ACTN3: variants seen among roughly 807,000 people sequenced by gnomAD.
The protein encoded by ACTN3 is actinin alpha 3.
Under a neutral mutation model 119.6 loss-of-function variants are expected in ACTN3, and 91 were observed. That is an observed-to-expected ratio of 0.76 (90% CI 0.64 to 0.91). The LOEUF (loss-of-function observed/expected upper bound fraction) is 0.91, where lower values mean the gene tolerates loss of function less well. Among genes scored for constraint, ACTN3 ranks in the 40% least tolerant of loss-of-function variants. The pLI, the probability that ACTN3 is intolerant of heterozygous loss-of-function variation, is 0.00. For synonymous variants in ACTN3, 456 were observed against 478.8 expected (o/e 0.95, Z 0.62); for missense variants, 1,221 against 1,215.1 (o/e 1.00, Z -0.07).
Position 66,557,160 on chromosome 11 carries a change from A to G in ACTN3, c.832A>G (p.Lys278Glu). 3 of 1,553,428 alleles carry G rather than the reference A, an allele frequency of 1.9e-6. No individual in the cohort carries two copies. The highest frequency in any genetic ancestry group is 2.6e-6 in the Non-Finnish European group (3 of 1,148,006). ...AGAGACAGCTGCCAACAGGATCTGC[A>G]AGGTGCTGGCAGTGAACCAGGAAAA... The part of the protein sequence containing the change: ...QAETAANRIC[K>E]VLAVNQENEK... Residue 278 changes from lysine to glutamate, a missense_variant, in exon 9 of 21, where the codon AAG becomes GAG. By Grantham distance (56) the Lys-to-Glu change is moderately conservative (BLOSUM62 1). Around this residue, in one of 3 missense-constraint regions of ACTN3, gnomAD observed 934 missense variants for 899.9 expected, o/e 1.04. Coordinates refer to ENST00000513398, the MANE Select transcript of ACTN3 (RefSeq NM_001104.4).
At position 66,560,409 on chromosome 11, in the gene ACTN3, AG is replaced by A. The variant is rs935596952; in HGVS notation, c.1677+100del. 4 of 1,503,350 alleles carry A rather than the reference AG, an allele frequency of 2.7e-6. No homozygotes were observed. The African/African-American group carries it at 4.2e-5, about 16-fold the overall frequency. The allele number at this position is 1,503,350 out of a possible 1,614,324, so 93.1% of individuals were successfully genotyped here. ...TAGGCTCCTGGGGCATAGGGATGGGAGGAAAACCCCAGTTCCCGAGTGCTGG... is the reference window on the plus strand; with the variant it reads ...TAGGCTCCTGGGGCATAGGGATGGGAGAAAACCCCAGTTCCCGAGTGCTGG... On this transcript the variant is annotated intron_variant, in intron 14 of 20. Transcript: ENST00000513398.
At position 66,560,277 on chromosome 11, in the gene ACTN3, A is replaced by G; in HGVS notation, c.1643A>G (p.Asp548Gly). 6.2e-7 allele frequency: 1 copy of G among 1,613,404 alleles called. No homozygotes were observed. Among genetic ancestry groups the G allele is most frequent in the Non-Finnish European group, 8.5e-7 (1 of 1,179,710 alleles). Residue 548 changes from aspartate to glycine, a missense_variant, in exon 14 of 21, where the codon GAC becomes GGC. This residue lies in a region of ACTN3 where 934 missense variants were observed against 899.9 expected (regional missense o/e 1.04). Coordinates refer to ENST00000513398, the MANE Select transcript of ACTN3 (RefSeq NM_001104.4). The stretch of plus-strand genomic sequence containing the variant: ...GATGGTGCCGTGGAGGACCTGCAGG[A>G]CGTGTGGCTGGTACACTCTGTGGAG... ...WLDGAVEDLQ[D>G]VWLVHSVEET...
At chr11:66,558,662 A>C (rs894574140) in intron 11 of ACTN3, among the ~76,000 whole-genome samples, 1 of 151,540 alleles carries the variant, frequency 6.6e-6, no homozygotes, top group Middle Eastern at 3.4e-3. Flanking sequence ...GCCACCGCAC[A>C]CCCGCCTGTT....
intron 19 of ACTN3, 89 bp from the exon 20 acceptor site, chr11:66,562,707 C>T: frequency 7.0e-7 from 1 of 1,420,244 alleles, no homozygotes; most frequent in Non-Finnish European, 9.5e-7. Context: ...GCTCTGCTAG[C>T]TGAGGTTGGA....
chr11:66,557,237 C>G lies in ACTN3; in HGVS notation c.897+12C>G. On this transcript the variant is annotated intron_variant, in intron 9 of 20. Transcript: ENST00000513398. ...AGCTTGCCAGTGAGGTGAGGCTGGG[C>G]TCCCACCGTGCTCTCCCCACCCCAG... 3.2e-6 allele frequency: 5 copies of G among 1,550,856 alleles called. No homozygotes were observed. The highest frequency in any genetic ancestry group is 3.5e-6 in the Non-Finnish European group (4 of 1,146,886).
Position 66,551,631 on chromosome 11 carries a change from G to A in ACTN3, c.366G>A (p.Val122=). Residue 122 remains valine, a synonymous_variant, in exon 3 of 21, where the codon GTG becomes GTA. Coordinates refer to ENST00000513398, the MANE Select transcript of ACTN3 (RefSeq NM_001104.4). ...TTGCCAGCAAGGGGGTTAAACTGGTGTCCATTGGTGCTGAAGGTGAGGAGG... is the reference window on the plus strand; with the variant it reads ...TTGCCAGCAAGGGGGTTAAACTGGTATCCATTGGTGCTGAAGGTGAGGAGG... ...DFIASKGVKL[V]SIGAEEIVDG... is the part of the protein sequence containing the mutation. The A allele has an allele frequency of 6.2e-7, 1 of 1,613,738 alleles. No homozygotes were observed. The highest frequency in any genetic ancestry group is 8.5e-7 in the Non-Finnish European group (1 of 1,180,030).
Position 66,551,282 on chromosome 11 carries a change from C to T in ACTN3, c.191C>T (p.Thr64Ile). The T allele has an allele frequency of 6.2e-7, 1 of 1,612,658 alleles. No individual in the cohort carries two copies. Among genetic ancestry groups the T allele is most frequent in the Non-Finnish European group, 8.5e-7 (1 of 1,179,380 alleles). Residue 64 changes from threonine (T) to isoleucine (I), a missense_variant, in exon 2 of 21, where the codon ACC becomes ATC. Around this residue, in one of 3 missense-constraint regions of ACTN3, gnomAD observed 239 missense variants for 231.8 expected, o/e 1.03. Coordinates refer to ENST00000513398, the MANE Select transcript of ACTN3 (RefSeq NM_001104.4). Reference sequence around the variant, plus strand: ...AACTCACACCTGCGCAAGGCAGGCACCCAGATCGAGAACATCGAGGAAGAT... The same window carrying T: ...AACTCACACCTGCGCAAGGCAGGCATCCAGATCGAGAACATCGAGGAAGAT... ...WCNSHLRKAG[T>I]QIENIEEDFR...
chr11:66,555,684 C>G (rs1410136417), intron 7 of ACTN3, among the ~76,000 whole-genome samples: 1 of 152,240 alleles, frequency 6.6e-6, no homozygotes, highest in Non-Finnish European at 1.5e-5. Flanking sequence ...CCTGTGGTCC[C>G]CATGCCTAGG....
At position 66,561,228 on chromosome 11, in the gene ACTN3, T is replaced by C. The variant is rs1459438003; in HGVS notation, c.1862T>C (p.Val621Ala). 1 of 1,560,430 alleles carries C rather than the reference T, an allele frequency of 6.4e-7. No homozygotes were observed. The highest frequency in any genetic ancestry group is 1.2e-5 in the South Asian group (1 of 82,946). The change falls in exon 16 of 21, where the codon GTC becomes GCC. Residue 621 changes from valine (V) to alanine (A), a missense_variant and splice_region_variant. By Grantham distance (64) the Val-to-Ala change is moderately conservative. Transcript: ENST00000513398. ...PQDINTKWDM[V>A]RKLVPSCDQT... The stretch of plus-strand genomic sequence containing the variant: ...CTGGCATAACTGCCCTCCTCCCAGG[T>C]CCGAAAGCTGGTGCCCAGCTGTGAC...
Position 66,561,588 on chromosome 11 carries a change from T to C in ACTN3, c.2126T>C (p.Leu709Pro). ...IDRLEGDHQL[L>P]QESLVFDNKH... ...CGGCTGGAGGGTGACCACCAGCTGC[T>C]GCAGGAGAGCCTGGTGTTCGACAAT... is the stretch of plus-strand genomic sequence containing the variant. Residue 709 changes from leucine (L) to proline (P), a missense_variant, in exon 17 of 21, where the codon CTG becomes CCG. Coordinates refer to ENST00000513398, the MANE Select transcript of ACTN3 (RefSeq NM_001104.4). The C allele has an allele frequency of 6.2e-7, 1 of 1,613,126 alleles. No individual in the cohort carries two copies. The highest frequency in any genetic ancestry group is 8.5e-7 in the Non-Finnish European group (1 of 1,179,636).
At chr11:66,548,377 G>A (rs909674117) in intron 1 of ACTN3, among the ~76,000 whole-genome samples, 22 of 151,926 alleles carry the variant, frequency 1.4e-4, no homozygotes, top group African/African-American at 5.1e-4. Flanking sequence ...ACCCACCCGG[G>A]CCTCTCCGAG....
chr11:66,552,114 T>C (rs576098849), intron 3 of ACTN3, among the ~76,000 whole-genome samples: 1 of 149,794 alleles, frequency 6.7e-6, no homozygotes, highest in East Asian at 2.0e-4. Flanking sequence ...GCCTGGTGGC[T>C]CACACCTGTA....
intron 11 of ACTN3, 25 bp from the exon 12 acceptor site, chr11:66,559,211 C>G: frequency 6.8e-7 from 1 of 1,466,788 alleles, no homozygotes; most frequent in Non-Finnish European, 9.0e-7. Flanking sequence ...CACTGGGTGA[C>G]CGGAGCCGGC....
chr11:66,558,127 C>G lies in ACTN3; in HGVS notation c.1229C>G (p.Ala410Gly). The change falls in exon 11 of 21, where the codon GCT (alanine) becomes GGT (glycine). Residue 410 changes from alanine to glycine, a missense_variant. Ala to Gly is a moderately conservative substitution (Grantham distance 60, BLOSUM62 0). Coordinates refer to ENST00000513398, the MANE Select transcript of ACTN3 (RefSeq NM_001104.4). ...IRRLQRLQHL[A>G]EKFRQKASLH... Reference sequence around the variant, plus strand: ...CGCCTGCAGCGACTCCAGCACCTGGCTGAGAAGTTCCGGCAGAAGGCCTCC... The same window carrying G: ...CGCCTGCAGCGACTCCAGCACCTGGGTGAGAAGTTCCGGCAGAAGGCCTCC... 1 of 1,613,920 alleles carries G rather than the reference C, an allele frequency of 6.2e-7. No homozygotes were observed. The highest frequency in any genetic ancestry group is 8.5e-7 in the Non-Finnish European group (1 of 1,179,906).
rs1454121342 is a variant in ACTN3 at position 66,558,169 on chromosome 11, C to T, written c.1271C>T (p.Thr424Ile). The change falls in exon 11 of 21, where the codon ACC becomes ATC. Residue 424 changes from threonine to isoleucine, a missense_variant. Thr to Ile is a moderately conservative substitution (Grantham distance 89). Transcript: ENST00000513398. ...RQKASLHEAW[T>I]RGKEEMLSQR... ...AAGGCCTCCCTGCACGAAGCCTGGA[C>T]CCGGGGTAGGTAGACCTACCTCATG... 15 of 1,613,050 alleles carry T rather than the reference C, an allele frequency of 9.3e-6. No individual in the cohort carries two copies. Among genetic ancestry groups the T allele is most frequent in the Non-Finnish European group, 1.3e-5 (15 of 1,179,884 alleles).
intron 1 of ACTN3, 69 bp from the exon 2 acceptor site, chr11:66,551,170 G>A (rs1470422917): frequency 9.7e-6 from 11 of 1,138,030 alleles, no homozygotes; most frequent in Non-Finnish European, 1.3e-5. Flanking sequence ...CCCTGACTGA[G>A]GAGACAGGAC....
chr11:66,563,251 C>A lies in ACTN3; in HGVS notation c.*58C>A. 1 of 1,520,804 alleles carries A rather than the reference C, an allele frequency of 6.6e-7. No homozygotes were observed. The highest frequency in any genetic ancestry group is 1.3e-5 in the South Asian group (1 of 78,772). 94.2% of individuals were successfully genotyped at this position (1,520,804 alleles called of 1,614,324 possible). On this transcript the variant is annotated 3_prime_UTR_variant, in exon 21 of 21. Coordinates refer to ENST00000513398, the MANE Select transcript of ACTN3 (RefSeq NM_001104.4). ...AGAGAGGATGCACCCTGTGGCTGATCCCATCCGTCCCTCGGAGCAAGGGCC... is the reference window on the plus strand; with the variant it reads ...AGAGAGGATGCACCCTGTGGCTGATACCATCCGTCCCTCGGAGCAAGGGCC...
intron 11 of ACTN3, among the ~76,000 whole-genome samples, chr11:66,558,487 C>T (rs1857654812): frequency 6.6e-6 from 1 of 152,206 alleles, no homozygotes; most frequent in African/African-American, 2.4e-5. Context: ...CCTGCCTCAG[C>T]CACCCAAGTA....
rs773244688 is a variant in ACTN3, at chr11:66,559,243, G to A, written c.1284G>A (p.Glu428=). The A allele has an allele frequency of 1.9e-6, 3 of 1,547,652 alleles. No homozygotes were observed. The highest frequency in any genetic ancestry group is 2.0e-4 in the Middle Eastern group (1 of 5,126). ...CGGCATCTCTTTGAGCAGGAAAGGAGGAGATGCTGAGCCAGCGCGACTACG... is the reference window on the plus strand; with the variant it reads ...CGGCATCTCTTTGAGCAGGAAAGGAAGAGATGCTGAGCCAGCGCGACTACG... ...SLHEAWTRGK[E]EMLSQRDYDS... Residue 428 remains glutamate, a synonymous_variant, in exon 12 of 21, where the codon GAG becomes GAA. Coordinates refer to ENST00000513398, the MANE Select transcript of ACTN3 (RefSeq NM_001104.4).
Sources: allele counts gnomAD v4.1 joint callset (sites outside exome capture counted in the v4.1 genomes callset), GRCh38; gene constraint gnomAD v4.1.1; regional missense constraint gnomAD v4.1.1; transcripts MANE v1.5; gene names NCBI Gene and HGNC (gene_info 2026-07-23, HGNC 2026-07-21).